The following ZNF91 variants were observed in gnomAD, a reference collection of about 807,000 sequenced individuals.
ZNF91 encodes zinc finger protein 91 (HPF7, HTF10).
A neutral mutation model predicts 12.6 loss-of-function variants in ZNF91; 7 were observed. The observed-to-expected ratio is 0.55, with a 90% CI of 0.31 to 1.04. The LOEUF (loss-of-function observed/expected upper bound fraction) is 1.04. Ranked by LOEUF, ZNF91 falls within the 50% of genes least tolerant of loss-of-function variation. The probability of loss-of-function intolerance (pLI) is 0.05; values close to 1 mark genes in which losing one functional copy is unlikely to be tolerated. For missense variants in ZNF91, 1,217 were observed against 1,385.4 expected (o/e 0.88, Z 1.93); for synonymous variants, 453 against 462.6 (o/e 0.98, Z 0.27).
intron 2 of ZNF91, chr19:23,307,523 A>G (rs1967413920): frequency 6.6e-6 from 1 of 152,196 alleles, no homozygotes. Flanking sequence ...AAATGATGTG[A>G]TTCTCTTTTT....
chr19:23,363,764 T>C (rs296088), intron 3 of ZNF91, among the ~76,000 whole-genome samples: 152 of 152,110 alleles, frequency 1.0e-3, no homozygotes, highest in African/African-American at 3.5e-3. Context: ...ACTCACTGAT[T>C]AAAATAGGAA....
rs762462521 is a variant in ZNF91, at chr19:23,361,353, TCTA to T, written c.1623_1625del (p.Ser541del). On this transcript the variant is annotated inframe_deletion, in exon 4 of 4. Transcript: ENST00000300619. Reference sequence around the variant, plus strand: ...ATTCTTTACATTTGTAGGGTTTCTCTCTACTATGAATTATCTTATGTTTATTAA... The same window carrying T: ...ATTCTTTACATTTGTAGGGTTTCTCTCTATGAATTATCTTATGTTTATTAA... 1.9e-6 allele frequency: 3 copies of T among 1,613,612 alleles called. No individual in the cohort carries two copies. In the South Asian group the frequency reaches 3.3e-5, roughly 18 times the overall value.
intron 3 of ZNF91, among the ~76,000 whole-genome samples, chr19:23,364,841 T>C (rs7250303): frequency 0.013 from 1,925 of 152,254 alleles, 43 homozygotes; most frequent in African/African-American, 0.043. Context: ...AACATAGAGA[T>C]AATTCTATTG....
chr19:23,346,823 C>A (rs1305981457), intron 3 of ZNF91, among the ~76,000 whole-genome samples: 11 of 152,118 alleles, frequency 7.2e-5, no homozygotes. Flanking sequence ...CAATCCATAA[C>A]GTCAAAGAAA....
At chr19:23,356,174 A>AAT (rs1410453656), downstream of ZNF91, among the ~76,000 whole-genome samples, 9 of 152,154 alleles carry the variant, frequency 5.9e-5, no homozygotes, top group African/African-American at 2.2e-4. Flanking sequence ...CTGAGTATCT[A>AAT]CCCAGAGAAA....
intron 3 of ZNF91, among the ~76,000 whole-genome samples, chr19:23,346,770 T>G (rs1968240956): frequency 6.6e-6 from 1 of 152,150 alleles, no homozygotes; most frequent in African/African-American, 2.4e-5. Context: ...TCCTTGCCCT[T>G]GAAAGCCTAA....
intron 3 of ZNF91, among the ~76,000 whole-genome samples, chr19:23,350,872 C>G (rs1968347287): frequency 6.6e-6 from 1 of 152,124 alleles, no homozygotes; most frequent in Non-Finnish European, 1.5e-5. Context: ...TTACTTGGGG[C>G]TGATGCCATT....
downstream of ZNF91, among the ~76,000 whole-genome samples, chr19:23,353,133 C>T (rs1968408300): frequency 1.3e-5 from 2 of 152,176 alleles, no homozygotes; most frequent in South Asian, 4.1e-4. Flanking sequence ...GAAAACATTT[C>T]ATCCAACAAC....
chr19:23,359,566 TTTTCACATTTGTAGGG>T lies in ZNF91; in HGVS notation c.3397_3412del (p.Pro1133AsnfsTer24). 1 of 1,614,084 alleles carries T rather than the reference TTTTCACATTTGTAGGG, an allele frequency of 6.2e-7. No individual in the cohort carries two copies. The highest frequency in any genetic ancestry group is 8.5e-7 in the Non-Finnish European group (1 of 1,179,952). ...AGACTGGTTAAAGGCTTTGCCACAT[TTTTCACATTTGTAGGG>T]TTTCTCTCCAGTGTGAATTATCTTA... On this transcript the variant is annotated frameshift_variant, in exon 4 of 4. Transcript: ENST00000300619. LOFTEE classifies it low-confidence loss of function (END_TRUNC).
chr19:23,391,002 T>C (rs930736344), intron 1 of ZNF91, among the ~76,000 whole-genome samples: 1 of 152,280 alleles, frequency 6.6e-6, no homozygotes, highest in Admixed American at 6.5e-5. Context: ...GAATAATTTG[T>C]ATTTCTTTGG....
At chr19:23,328,784 A>G (rs570222013) in intron 1 of ZNF91, 1 of 152,330 alleles carries the variant, frequency 6.6e-6, no homozygotes, top group Middle Eastern at 3.4e-3. Context: ...TAAAGGTTTA[A>G]GAGGTAAGAG....
At chr19:23,306,353 T>A (rs756354220) in intron 3 of ZNF91, among the ~76,000 whole-genome samples, 36 of 152,350 alleles carry the variant, frequency 2.4e-4, no homozygotes, top group Non-Finnish European at 4.7e-4. Context: ...ATTTGACACA[T>A]CTGCCTGGGC....
At chr19:23,328,690 A>G (rs548099570) in intron 1 of ZNF91, 1 of 152,342 alleles carries the variant, frequency 6.6e-6, no homozygotes, top group South Asian at 2.1e-4. Flanking sequence ...AAGATCAGTT[A>G]GAAGGCTAGT....
At chr19:23,330,987 A>G (rs1159931691) in intron 1 of ZNF91, among the ~76,000 whole-genome samples, 1 of 152,242 alleles carries the variant, frequency 6.6e-6, no homozygotes, top group Non-Finnish European at 1.5e-5. Context: ...ATTTGTGGTG[A>G]CAAGTATATA....
Position 23,359,804 on chromosome 19 carries a change from A to T in ZNF91, c.3175T>A (p.Phe1059Ile). The T allele has an allele frequency of 6.2e-7, 1 of 1,613,830 alleles. No individual in the cohort carries two copies. Among genetic ancestry groups the T allele is most frequent in the Non-Finnish European group, 8.5e-7 (1 of 1,179,984 alleles). ...CCATTTAGGGTTGAGGATGATATAA[A>T]TGCTTTGCCACATTCTTCACACTTG... Reference protein sequence around the residue: ...PYKCEECGKAFISSSTLNGHK... With the variant: ...PYKCEECGKAIISSSTLNGHK... Residue 1059 changes from phenylalanine (F) to isoleucine (I), a missense_variant, in exon 4 of 4, where the codon TTT becomes ATT. Phe to Ile is a conservative substitution (Grantham distance 21, BLOSUM62 0). This residue lies in a region of ZNF91 where 491 missense variants were observed against 489.8 expected (regional missense o/e 1.00). Transcript: ENST00000300619.
intron 3 of ZNF91, chr19:23,342,215 C>T: frequency 1.8e-6 from 1 of 555,854 alleles, no homozygotes. Flanking sequence ...TTCCAGGGCT[C>T]TTTTATTTGC....
intron 3 of ZNF91, among the ~76,000 whole-genome samples, chr19:23,365,044 A>G (rs945107095): frequency 6.6e-6 from 1 of 152,150 alleles, no homozygotes. Context: ...TGGAATGTAA[A>G]CTTTATTAGG....
downstream of ZNF91, among the ~76,000 whole-genome samples, chr19:23,336,099 A>G (rs987337847): frequency 1.3e-5 from 2 of 152,232 alleles, no homozygotes; most frequent in African/African-American, 4.8e-5. Context: ...GTGCATCAGC[A>G]GCCTTTAAAA....
chr19:23,313,388 G>A (rs1967501684), upstream of ZNF91, among the ~76,000 whole-genome samples: 1 of 152,200 alleles, frequency 6.6e-6, no homozygotes, highest in African/African-American at 2.4e-5. Flanking sequence ...GGGGGATTGT[G>A]ACCTGTGACT....
Sources: gnomAD v4.1 joint callset for allele counts (sites outside exome capture counted in the v4.1 genomes callset) on GRCh38, gnomAD v4.1.1 for gene constraint, gnomAD v4.1.1 regional missense constraint, MANE v1.5 for transcripts, NCBI Gene and HGNC (gene_info 2026-07-23, HGNC 2026-07-21) for gene names.